Variants in PHLDB2 observed in about 807,000 individuals in gnomAD.
PHLDB2 encodes the protein pleckstrin homology like domain family B member 2.
In PHLDB2, 71 loss-of-function variants were observed where a neutral mutation model predicts 123.6. The ratio of observed to expected loss-of-function variants is 0.57; its 90% CI spans 0.47 to 0.70. The LOEUF (loss-of-function observed/expected upper bound fraction) is 0.70, where lower values mean the gene tolerates loss of function less well. Among genes scored for constraint, PHLDB2 ranks in the 30% least tolerant of loss-of-function variants. PHLDB2 has a pLI of 0.00. For missense variants in PHLDB2, 1,446 were observed against 1,519.5 expected (o/e 0.95, Z 0.80); for synonymous variants, 547 against 541.6 (o/e 1.01, Z -0.14).
intron 1 of PHLDB2, among the ~76,000 whole-genome samples, chr3:111,839,163 C>A (rs562880076): frequency 2.0e-5 from 3 of 151,988 alleles, no homozygotes; most frequent in South Asian, 2.1e-4. Context: ...GCCAAGAGGC[C>A]ACCCACACTG....
chr3:111,902,082 G>A (rs1054722304), intron 2 of PHLDB2, among the ~76,000 whole-genome samples: 1 of 152,012 alleles, frequency 6.6e-6, no homozygotes, highest in Non-Finnish European at 1.5e-5. Flanking sequence ...CCCATCTGCT[G>A]GTTGATTTTA....
At chr3:111,875,210 A>T (rs1324620386) in intron 1 of PHLDB2, among the ~76,000 whole-genome samples, 1 of 151,994 alleles carries the variant, frequency 6.6e-6, no homozygotes, top group Non-Finnish European at 1.5e-5. Context: ...GTGCAATGGC[A>T]CAATCTCAGC....
At chr3:111,892,020 C>T (rs1470693562) in intron 2 of PHLDB2, among the ~76,000 whole-genome samples, 2 of 152,148 alleles carry the variant, frequency 1.3e-5, no homozygotes, top group African/African-American at 4.8e-5. Flanking sequence ...TGGTGATAGT[C>T]GTCTGTAGTG....
chr3:111,858,713 C>A (rs1321384600), upstream of PHLDB2, among the ~76,000 whole-genome samples: 1 of 152,172 alleles, frequency 6.6e-6, no homozygotes, highest in African/African-American at 2.4e-5. Flanking sequence ...GGAGCTACAA[C>A]AACTTGCCCA....
chr3:111,745,772 AAAAG>A (rs1301240587), intron 1 of PHLDB2, among the ~76,000 whole-genome samples: 2 of 145,554 alleles, frequency 1.4e-5, no homozygotes, highest in Admixed American at 1.4e-4. Context: ...CAAAAACAAA[AAAAG>A]AAAGAAAGAA....
chr3:111,961,833 G>A (rs796627327), intron 12 of PHLDB2: 20 of 408,736 alleles, frequency 4.9e-5, no homozygotes, highest in African/African-American at 3.4e-4. Flanking sequence ...TTTTGTGTTT[G>A]TGTGTTGCTG....
intron 13 of PHLDB2, among the ~76,000 whole-genome samples, chr3:111,965,716 A>C: frequency 6.6e-6 from 1 of 152,230 alleles, no homozygotes; most frequent in East Asian, 1.9e-4. Flanking sequence ...TACAAATAGC[A>C]TATGGTTTCC....
intron 2 of PHLDB2, among the ~76,000 whole-genome samples, chr3:111,853,125 T>C (rs2064332489): frequency 6.6e-6 from 1 of 152,174 alleles, no homozygotes; most frequent in Admixed American, 6.5e-5. Context: ...AGAGAATGTA[T>C]AGTAAAAACC....
In PHLDB2 at chr3:111,913,598, A is replaced by T. The variant is rs1434282333; in HGVS notation, c.1615A>T (p.Arg539Trp). The change falls in exon 3 of 18, where the codon AGG (arginine) becomes TGG (tryptophan). Residue 539 changes from arginine (R) to tryptophan (W), a missense_variant. Arg to Trp is a moderately radical substitution (Grantham distance 101, BLOSUM62 -3). Transcript: ENST00000431670. ...CAGCTTCTTTACCCCCAGGAGCACC[A>T]GGAATGATGAACTACTCAGTGACCT... is the stretch of plus-strand genomic sequence containing the variant. ...SASFFTPRST[R>W]NDELLSDLTR... is the part of the protein sequence containing the mutation. 7 of 1,614,088 alleles carry T rather than the reference A, an allele frequency of 4.3e-6. No individual in the cohort carries two copies. In the African/African-American group the frequency reaches 8.0e-5, roughly 18 times the overall value.
At position 111,967,685 on chromosome 3, in the gene PHLDB2, A is replaced by T. The variant is rs531742036; in HGVS notation, c.3176A>T (p.Glu1059Val). ...GTTATGCATAATGTTTAGGAACGGG[A>T]AATGGAAGCCAAAAAACGAGCCCTG... ...KTRLLESRER[E>V]MEAKKRALEE... The change falls in exon 15 of 18, where the codon GAA (glutamate) becomes GTA (valine). Residue 1059 changes from glutamate to valine, a missense_variant. Transcript: ENST00000431670. 6.2e-7 allele frequency: 1 copy of T among 1,608,208 alleles called. No homozygotes were observed. The highest frequency in any genetic ancestry group is 1.7e-5 in the Admixed American group (1 of 58,496).
intron 1 of PHLDB2, among the ~76,000 whole-genome samples, chr3:111,838,580 T>C (rs1159126710): frequency 1.3e-5 from 2 of 152,128 alleles, no homozygotes; most frequent in Non-Finnish European, 2.9e-5. Flanking sequence ...ACCATAAAAA[T>C]ATAACTAGGA....
At chr3:111,792,248 C>A (rs923496383) in intron 1 of PHLDB2, among the ~76,000 whole-genome samples, 1 of 152,102 alleles carries the variant, frequency 6.6e-6, no homozygotes, top group African/African-American at 2.4e-5. Context: ...TTTATTTCTC[C>A]CTCATTTCTG....
intron 1 of PHLDB2, chr3:111,883,854 C>G (rs2066051056): frequency 2.0e-6 from 1 of 505,758 alleles, no homozygotes; most frequent in East Asian, 3.3e-5. Flanking sequence ...TTTTATTTCT[C>G]TTTTGTACAT....
At chr3:111,898,170 G>GTGTGTGTT (rs2066979691) in intron 2 of PHLDB2, among the ~76,000 whole-genome samples, 1 of 129,968 alleles carries the variant, frequency 7.7e-6, no homozygotes, top group South Asian at 2.7e-4. Context: ...CTTTGTGTGT[G>GTGTGTGTT]TGTGTGTGTG....
chr3:111,803,068 G>GA (rs1418796682), intron 1 of PHLDB2, among the ~76,000 whole-genome samples: 1 of 152,196 alleles, frequency 6.6e-6, no homozygotes, highest in Non-Finnish European at 1.5e-5. Flanking sequence ...AGAAACAAAA[G>GA]AAAAAGCAGA....
rs959085533 is a variant in PHLDB2 at position 111,757,373 on chromosome 3, T to TC, written c.-49+24673dup. Reference sequence around the variant, plus strand: ...CTTTTTATTCTTTTTTCTCTAAACTTCCCTTCTCGCTTCATTTCATTCATT... The same window carrying TC: ...CTTTTTATTCTTTTTTCTCTAAACTTCCCCTTCTCGCTTCATTTCATTCATT... On this transcript the variant is annotated intron_variant, in intron 1 of 17. Coordinates refer to the PHLDB2 transcript ENST00000393923. Among the ~76,000 whole-genome samples, 7 of 152,174 alleles carry TC rather than the reference T, an allele frequency of 4.6e-5. No individual in the cohort carries two copies. In the South Asian group the frequency reaches 6.2e-4, roughly 14 times the overall value.
chr3:111,820,616 C>T (rs1023754214), intron 1 of PHLDB2, among the ~76,000 whole-genome samples: 32 of 152,220 alleles, frequency 2.1e-4, no homozygotes, highest in African/African-American at 7.7e-4. Context: ...GCCCCATGGC[C>T]ACCTCTCAGA....
At chr3:111,836,254 G>A (rs73855643) in intron 1 of PHLDB2, among the ~76,000 whole-genome samples, 102 of 152,286 alleles carry the variant, frequency 6.7e-4, no homozygotes, top group African/African-American at 2.2e-3. Flanking sequence ...TGAGCCAAAC[G>A]GAAGTCAGGA....
At chr3:111,804,294 A>G (rs928069827) in intron 1 of PHLDB2, among the ~76,000 whole-genome samples, 3 of 152,238 alleles carry the variant, frequency 2.0e-5, no homozygotes, top group Non-Finnish European at 4.4e-5. Context: ...TTGAAGAGAT[A>G]ATCTTTTAAA....
Sources: gnomAD v4.1 joint callset for allele counts (sites outside exome capture counted in the v4.1 genomes callset) on GRCh38, gnomAD v4.1.1 for gene constraint, MANE v1.5 for transcripts, NCBI Gene and HGNC (gene_info 2026-07-23, HGNC 2026-07-21) for gene names.